The following GRID2 variants were observed in gnomAD, a reference collection of about 807,000 sequenced individuals.
GRID2 encodes glutamate receptor ionotropic, delta-2.
Under a neutral mutation model 114.8 loss-of-function variants are expected in GRID2, and 33 were observed. That is an observed-to-expected ratio of 0.29 (90% CI 0.22 to 0.38). GRID2 has a LOEUF of 0.38. GRID2 is among the 10% of genes least tolerant of loss of function. The probability of loss-of-function intolerance (pLI) is 1.00; values close to 1 mark genes in which losing one functional copy is unlikely to be tolerated. For missense variants in GRID2, 1,184 were observed against 1,257.7 expected, an observed-to-expected ratio of 0.94 and a Z score of 0.89; for synonymous variants, 505 against 449.9, an observed-to-expected ratio of 1.12 and a Z score of -1.55.
At chr4:93,514,485 G>A (rs1044771788) in intron 12 of GRID2, among the ~76,000 whole-genome samples, 4 of 145,694 alleles carry the variant, frequency 2.7e-5, no homozygotes, top group African/African-American at 5.1e-5. Flanking sequence ...TATAGCAAAC[G>A]AAATATAGAA....
intron 9 of GRID2, among the ~76,000 whole-genome samples, chr4:93,420,812 G>A (rs537380463): frequency 9.2e-5 from 14 of 151,758 alleles, no homozygotes; most frequent in African/African-American, 3.1e-4. Context: ...GGAGTGCAAT[G>A]GTGTGATCTT....
At chr4:93,666,220 G>A (rs979442921) in intron 14 of GRID2, among the ~76,000 whole-genome samples, 15 of 151,896 alleles carry the variant, frequency 9.9e-5, no homozygotes. Flanking sequence ...GTTTTATTGT[G>A]CTAAACACAA....
intron 1 of GRID2, among the ~76,000 whole-genome samples, chr4:92,425,951 T>C (rs1732139919): frequency 6.6e-6 from 1 of 152,096 alleles, no homozygotes; most frequent in Non-Finnish European, 1.5e-5. Flanking sequence ...CTATCTTCTT[T>C]AGCTTTCTAT....
chr4:92,411,695 G>GTATTTCTT (rs1731334457), intron 1 of GRID2, among the ~76,000 whole-genome samples: 1 of 114,878 alleles, frequency 8.7e-6, no homozygotes, highest in Admixed American at 8.5e-5. Flanking sequence ...TACCCACAGT[G>GTATTTCTT]TATTTCTTTT....
intron 2 of GRID2, among the ~76,000 whole-genome samples, chr4:93,041,358 G>A (rs1171032063): frequency 3.9e-5 from 6 of 152,074 alleles, no homozygotes; most frequent in Admixed American, 6.6e-5. Flanking sequence ...GCAGAATGGC[G>A]AACTTCTCAC....
At chr4:92,580,104 T>C (rs11733785) in intron 1 of GRID2, among the ~76,000 whole-genome samples, 7,816 of 150,156 alleles carry the variant, frequency 0.052, 267 homozygotes, top group East Asian at 0.12. Flanking sequence ...TTGCAGCTAA[T>C]AAATACCTAG....
chr4:93,303,359 C>T (rs1223516975), intron 8 of GRID2, among the ~76,000 whole-genome samples: 1 of 152,158 alleles, frequency 6.6e-6, no homozygotes. Flanking sequence ...TATATCTTCC[C>T]CAGAGCCATT....
intron 2 of GRID2, among the ~76,000 whole-genome samples, chr4:92,677,819 T>C (rs1446737085): frequency 6.6e-6 from 1 of 152,190 alleles, no homozygotes; most frequent in Non-Finnish European, 1.5e-5. Context: ...AATAGCTTTC[T>C]ACCTGATTTC....
chr4:92,612,393 A>C (rs2149229998), intron 2 of GRID2, among the ~76,000 whole-genome samples: 1 of 151,544 alleles, frequency 6.6e-6, no homozygotes, highest in Non-Finnish European at 1.5e-5. Flanking sequence ...AAGTTTTCCA[A>C]CACTTTTTTT....
intron 12 of GRID2, among the ~76,000 whole-genome samples, chr4:93,491,531 T>G (rs1352521214): frequency 6.6e-6 from 1 of 151,870 alleles, no homozygotes; most frequent in African/African-American, 2.4e-5. Flanking sequence ...CAGTATAATT[T>G]CTGCCTTATT....
At chr4:93,036,584 C>A (rs1349553357) in intron 2 of GRID2, among the ~76,000 whole-genome samples, 2 of 152,022 alleles carry the variant, frequency 1.3e-5, no homozygotes, top group African/African-American at 4.8e-5. Flanking sequence ...TGCTAATAGT[C>A]ATAAAAAGAT....
At chr4:93,276,272 C>G (rs1752048816) in intron 8 of GRID2, among the ~76,000 whole-genome samples, 1 of 151,930 alleles carries the variant, frequency 6.6e-6, no homozygotes. Flanking sequence ...AATATGAGTT[C>G]TTATTTCTGA....
intron 14 of GRID2, among the ~76,000 whole-genome samples, chr4:93,629,010 T>TC (rs35816617): frequency 6.6e-6 from 1 of 152,108 alleles, no homozygotes; most frequent in Non-Finnish European, 1.5e-5. Flanking sequence ...CAGGTGATCC[T>TC]CCCGCCTCAG....
chr4:93,398,149 A>ATATATATATATATATC (rs1560579261), intron 9 of GRID2, among the ~76,000 whole-genome samples: 4 of 145,318 alleles, frequency 2.8e-5, no homozygotes, highest in African/African-American at 1.1e-4. Flanking sequence ...ATATATATAT[A>ATATATATATATATATC]TATCTTATCA....
chr4:92,640,824 T>TA (rs200396753), intron 2 of GRID2, among the ~76,000 whole-genome samples: 2,579 of 151,464 alleles, frequency 0.017, 63 homozygotes, highest in African/African-American at 0.058. Flanking sequence ...TCATATAAAA[T>TA]AAAAAAAACA....
chr4:92,327,321 T>A (rs1195981676), intron 1 of GRID2, among the ~76,000 whole-genome samples: 1 of 151,842 alleles, frequency 6.6e-6, no homozygotes, highest in Non-Finnish European at 1.5e-5. Flanking sequence ...TCCTAGATAA[T>A]TAAATATCAG....
intron 4 of GRID2, among the ~76,000 whole-genome samples, chr4:93,111,751 C>CTTTTTTTT (rs9307121): frequency 4.2e-4 from 55 of 131,420 alleles, no homozygotes; most frequent in Non-Finnish European, 7.4e-4. Flanking sequence ...TTGTTTAATA[C>CTTTTTTTT]TTTTTTTTTT....
chr4:93,271,299 G>C (rs1751434450), intron 8 of GRID2, among the ~76,000 whole-genome samples: 1 of 152,132 alleles, frequency 6.6e-6, no homozygotes, highest in Non-Finnish European at 1.5e-5. Flanking sequence ...CCATAAAAAT[G>C]TGTGCAATGC....
At chr4:92,590,662 C>T (rs1425937961) in intron 2 of GRID2, among the ~76,000 whole-genome samples, 1 of 152,076 alleles carries the variant, frequency 6.6e-6, no homozygotes, top group Non-Finnish European at 1.5e-5. Flanking sequence ...CTTGGGATGA[C>T]ATATCAGGTG....
Sources: gnomAD v4.1 joint callset for allele counts (sites outside exome capture counted in the v4.1 genomes callset) on GRCh38, gnomAD v4.1.1 for gene constraint, MANE v1.5 for transcripts, NCBI Gene and HGNC (gene_info 2026-07-23, HGNC 2026-07-21) for gene names.